The following GSS variants were observed in gnomAD, a reference collection of about 807,000 sequenced individuals.
GSS encodes glutathione synthetase, also known as GSH synthetase.
In GSS, 34 loss-of-function variants were observed where a neutral mutation model predicts 60.4. That is an observed-to-expected ratio of 0.56 (90% CI 0.43 to 0.75). The LOEUF (loss-of-function observed/expected upper bound fraction) is 0.75, where lower values mean the gene tolerates loss of function less well. Among genes scored for constraint, GSS ranks in the 30% least tolerant of loss-of-function variants. The pLI is 0.00. For missense variants in GSS, 499 were observed against 595.1 expected (o/e 0.84, Z 1.68); for synonymous variants, 224 against 239.0 (o/e 0.94, Z 0.58).
chr20:34,941,753 G>A lies in GSS; in HGVS notation c.568C>T (p.Leu190=). ...LSNNPSKGLA[L]GIAKAWELYG... is the part of the protein sequence containing the mutation. ...AGCTCCCAGGCTTTGGCAATTCCCA[G>A]GGCCAGTCCCTTGCTGGGATTATTA... Residue 190 remains leucine (L), a synonymous_variant, in exon 6 of 13, where the codon CTG becomes TTG. Transcript: ENST00000651619. 1 of 1,611,686 alleles carries A rather than the reference G, an allele frequency of 6.2e-7. No individual in the cohort carries two copies. The highest frequency in any genetic ancestry group is 8.5e-7 in the Non-Finnish European group (1 of 1,178,996).
intron 1 of GSS, among the ~76,000 whole-genome samples, chr20:34,953,543 C>T (rs548702955): frequency 8.0e-4 from 121 of 151,410 alleles, no homozygotes; most frequent in African/African-American, 2.8e-3. Context: ...TTCCCTTTCC[C>T]TTTCCCTTCC....
At chr20:34,942,316 T>C (rs968274729) in intron 5 of GSS, among the ~76,000 whole-genome samples, 172 bp downstream of exon 5, 1 of 152,118 alleles carries the variant, frequency 6.6e-6, no homozygotes, top group Non-Finnish European at 1.5e-5. Flanking sequence ...CTCCCTGACA[T>C]ACCAAGGATC....
intron 9 of GSS, 98 bp downstream of exon 9, chr20:34,935,478 G>A: frequency 1.2e-6 from 1 of 825,386 alleles, no homozygotes; most frequent in Non-Finnish European, 2.2e-6. Flanking sequence ...GTGAAGTGAG[G>A]ACTCGGAAAA....
At chr20:34,935,189 C>T (rs1445213654) in intron 9 of GSS, among the ~76,000 whole-genome samples, 2 of 152,076 alleles carry the variant, frequency 1.3e-5, no homozygotes, top group Admixed American at 6.5e-5. Context: ...CTGTCATTAA[C>T]ATGAATGAGG....
intron 6 of GSS, among the ~76,000 whole-genome samples, chr20:34,940,705 G>T (rs1224831754): frequency 2.0e-5 from 3 of 152,170 alleles, no homozygotes; most frequent in Non-Finnish European, 4.4e-5. Flanking sequence ...GTACATTAAG[G>T]ACTATTAATG....
chr20:34,928,713 CA>C lies in GSS; in HGVS notation c.*114del, dbSNP rs1422547826. ...CAGATGGAAAGCTGGGGGAAGGTAC[CA>C]GTATTTACCCTTCCATAAAAACTTT... is the stretch of plus-strand genomic sequence containing the variant. On this transcript the variant is annotated 3_prime_UTR_variant, in exon 13 of 13. Transcript: ENST00000651619. 5 of 1,150,592 alleles carry C rather than the reference CA, an allele frequency of 4.3e-6. No individual in the cohort carries two copies. Among genetic ancestry groups the C allele is most frequent in the Non-Finnish European group, 6.4e-6 (5 of 776,910 alleles). The allele number at this position is 1,150,592 out of a possible 1,614,324, so 71.3% of individuals were successfully genotyped here. A position where few individuals can be genotyped will look rare whatever the true frequency, so the allele number is the denominator to read the frequency against.
At chr20:34,950,947 C>A (rs1257805433) in intron 2 of GSS, among the ~76,000 whole-genome samples, 1 of 151,354 alleles carries the variant, frequency 6.6e-6, no homozygotes, top group Non-Finnish European at 1.5e-5. Context: ...TTTTTCTTCC[C>A]TAAGGATGAG....
intron 6 of GSS, among the ~76,000 whole-genome samples, chr20:34,938,954 G>A (rs2081462292): frequency 6.6e-6 from 1 of 152,006 alleles, no homozygotes; most frequent in Non-Finnish European, 1.5e-5. Context: ...AAATAAGAGT[G>A]TTATGGCTGG....
chr20:34,935,505 C>T (rs1333795020), intron 9 of GSS, 71 bp downstream of exon 9: 1 of 1,030,852 alleles, frequency 9.7e-7, no homozygotes, highest in Non-Finnish European at 1.5e-6. Flanking sequence ...TTGTTATAAG[C>T]CTGAATTGGG....
At chr20:34,949,205 C>T (rs961670842) in intron 2 of GSS, among the ~76,000 whole-genome samples, 1 of 152,048 alleles carries the variant, frequency 6.6e-6, no homozygotes, top group South Asian at 2.1e-4. Context: ...TGTATTTGAA[C>T]GTATTACTTA....
chr20:34,951,736 G>C lies in GSS; in HGVS notation c.117C>G (p.Pro39=). Reference sequence around the variant, plus strand: ...GCTAGGGGCTTACCTCCGAGGAAGTGGGCTCCTGTGAGGTCCTCAGCAATA... The same window carrying C: ...GCTAGGGGCTTACCTCCGAGGAAGTCGGCTCCTGTGAGGTCCTCAGCAATA... ...EGVLLRTSQE[P]TSSEVVSYAP... The change falls in exon 2 of 13, where the codon CCC becomes CCG. Residue 39 remains proline (P), a synonymous_variant. Transcript: ENST00000651619. The C allele has an allele frequency of 6.2e-7, 1 of 1,609,268 alleles. No individual in the cohort carries two copies. The highest frequency in any genetic ancestry group is 8.5e-7 in the Non-Finnish European group (1 of 1,177,494).
Position 34,939,274 on chromosome 20 carries a change from C to A in GSS, c.609-2251G>T, listed in dbSNP as rs915162269. 7.9e-5 allele frequency among the ~76,000 whole-genome samples: 12 copies of A among 152,072 alleles called. 1 individual carries two copies. ...AGAAAAAAATTGGTGTTAAAAAGATCACAGTTCCCAAACTTTTATCACCAG... is the reference window on the plus strand; with the variant it reads ...AGAAAAAAATTGGTGTTAAAAAGATAACAGTTCCCAAACTTTTATCACCAG... On this transcript the variant is annotated intron_variant, in intron 6 of 12. Transcript: ENST00000651619.
At chr20:34,932,298 T>C (rs1192840123) in intron 9 of GSS, among the ~76,000 whole-genome samples, 165 bp from the exon 10 acceptor site, 1 of 152,216 alleles carries the variant, frequency 6.6e-6, no homozygotes, top group Non-Finnish European at 1.5e-5. Context: ...TATGTTGTAG[T>C]TATGTATCAT....
chr20:34,931,661 A>G, intron 10 of GSS: 1 of 625,904 alleles, frequency 1.6e-6, no homozygotes, highest in South Asian at 1.9e-5. Flanking sequence ...AGCCTGATAC[A>G]CTTCTCAATT....
intron 1 of GSS, 89 bp from the exon 2 acceptor site, chr20:34,951,949 C>T: frequency 7.4e-7 from 1 of 1,357,194 alleles, no homozygotes; most frequent in Admixed American, 1.7e-5. Context: ...CCCAACACAG[C>T]AGGACCCTGA....
At chr20:34,944,151 C>T (rs925773213) in intron 3 of GSS, among the ~76,000 whole-genome samples, 2 of 152,144 alleles carry the variant, frequency 1.3e-5, no homozygotes, top group African/African-American at 4.8e-5. Flanking sequence ...GCTTCAGCCT[C>T]CAAGGAAGTT....
At chr20:34,935,733 T>C (rs1269014081) in intron 8 of GSS, 91 bp from the exon 9 acceptor site, 14 of 1,094,140 alleles carry the variant, frequency 1.3e-5, no homozygotes, top group Non-Finnish European at 1.9e-5. Context: ...AAGATGAATT[T>C]GGCTTTTTCA....
At chr20:34,951,950 A>C in intron 1 of GSS, 90 bp from the exon 2 acceptor site, 1 of 1,353,112 alleles carries the variant, frequency 7.4e-7, no homozygotes, top group East Asian at 2.3e-5. Flanking sequence ...CCAACACAGC[A>C]GGACCCTGAC....
In GSS at chr20:34,935,558, C is replaced by T; in HGVS notation, c.834+18G>A. 1.3e-6 allele frequency: 2 copies of T among 1,581,676 alleles called. No individual in the cohort carries two copies. The highest frequency in any genetic ancestry group is 1.7e-6 in the Non-Finnish European group (2 of 1,150,720). The stretch of plus-strand genomic sequence containing the variant: ...TGGGTCCCAGGAGGCAAAGAATGGT[C>T]TCACAGAAAATACCAACCTGTAGAC... On this transcript the variant is annotated intron_variant, in intron 9 of 12. Transcript: ENST00000651619.
Sources: gnomAD v4.1 joint callset for allele counts (sites outside exome capture counted in the v4.1 genomes callset) on GRCh38, gnomAD v4.1.1 for gene constraint, MANE v1.5 for transcripts, NCBI Gene and HGNC (gene_info 2026-07-23, HGNC 2026-07-21) for gene names.